The following RTKN2 variants were observed in gnomAD, a reference collection of about 807,000 sequenced individuals.
The protein encoded by RTKN2 is rhotekin-2.
A neutral mutation model predicts 71.5 loss-of-function variants in RTKN2; 69 were observed. The observed-to-expected ratio is 0.96, with a 90% CI of 0.79 to 1.18. The LOEUF is 1.18. Among genes scored for constraint, RTKN2 ranks in the 50% most tolerant of loss-of-function variants. The pLI, the probability that RTKN2 is intolerant of heterozygous loss-of-function variation, is 0.00. For synonymous variants in RTKN2, 236 were observed against 236.5 expected (o/e 1.00, Z 0.02); for missense variants, 724 against 719.7 (o/e 1.01, Z -0.07).
chr10:62,202,474 A>G (rs1413182180), intron 10 of RTKN2, among the ~76,000 whole-genome samples: 1 of 152,242 alleles, frequency 6.6e-6, no homozygotes, highest in African/African-American at 2.4e-5. Context: ...AAAATTTTAA[A>G]GTACAAGTCA....
At chr10:62,233,573 A>AT (rs1490210935) in intron 6 of RTKN2, among the ~76,000 whole-genome samples, 2 of 152,178 alleles carry the variant, frequency 1.3e-5, no homozygotes, top group Non-Finnish European at 2.9e-5. Flanking sequence ...TACAAACAGC[A>AT]TTAAAAAAAA....
chr10:62,201,923 T>G (rs1841450948), intron 10 of RTKN2, among the ~76,000 whole-genome samples: 1 of 152,212 alleles, frequency 6.6e-6, no homozygotes, highest in African/African-American at 2.4e-5. Context: ...TAAATGGGTA[T>G]GTTTTGTTCA....
At chr10:62,202,165 A>G (rs557893666) in intron 10 of RTKN2, among the ~76,000 whole-genome samples, 38 of 152,212 alleles carry the variant, frequency 2.5e-4, no homozygotes, top group African/African-American at 9.1e-4. Flanking sequence ...CCTCTTTTAC[A>G]TGACTGTTAA....
At chr10:62,241,477 T>C (rs1429597754) in intron 3 of RTKN2, among the ~76,000 whole-genome samples, 1 of 152,254 alleles carries the variant, frequency 6.6e-6, no homozygotes, top group Non-Finnish European at 1.5e-5. Context: ...GACATCTTTA[T>C]CATATATGCC....
chr10:62,264,758 G>C (rs1842838696), intron 1 of RTKN2, among the ~76,000 whole-genome samples: 1 of 152,162 alleles, frequency 6.6e-6, no homozygotes, highest in African/African-American at 2.4e-5. Context: ...CTGAGGCAGA[G>C]AGGAAGGGCC....
At chr10:62,258,330 T>A (rs1379249204) in intron 2 of RTKN2, among the ~76,000 whole-genome samples, 1 of 152,232 alleles carries the variant, frequency 6.6e-6, no homozygotes, top group East Asian at 1.9e-4. Flanking sequence ...ATTTGACTTC[T>A]TAAATAATTT....
At chr10:62,201,094 AGAGT>A (rs1173258228) in intron 10 of RTKN2, among the ~76,000 whole-genome samples, 1 of 152,140 alleles carries the variant, frequency 6.6e-6, no homozygotes, top group East Asian at 1.9e-4. Context: ...TAATTTTATA[AGAGT>A]TAGTTACTGA....
Position 62,195,197 on chromosome 10 carries a change from T to A in RTKN2, c.*2711A>T, listed in dbSNP as rs1322193863. 1.0e-6 allele frequency: 1 copy of A among 977,596 alleles called. No homozygotes were observed. Among genetic ancestry groups the A allele is most frequent in the African/African-American group, 1.8e-5 (1 of 57,056 alleles). 60.6% of individuals were successfully genotyped at this position (977,596 alleles called of 1,614,324 possible). On this transcript the variant is annotated 3_prime_UTR_variant, in exon 12 of 12. Transcript: ENST00000373789. ...TTAGATCATCAGAATTATCATATCA[T>A]AAAATATCTATTCTGTTTCCCCAAT... is the stretch of plus-strand genomic sequence containing the variant.
chr10:62,231,048 G>A (rs958805026), intron 6 of RTKN2, among the ~76,000 whole-genome samples: 1 of 151,860 alleles, frequency 6.6e-6, no homozygotes, highest in African/African-American at 2.4e-5. Context: ...TAACAGTCTC[G>A]TTCCTCAAAA....
intron 2 of RTKN2, among the ~76,000 whole-genome samples, chr10:62,251,254 G>T (rs921984660): frequency 1.2e-4 from 18 of 152,136 alleles, no homozygotes; most frequent in Non-Finnish European, 2.4e-4. Flanking sequence ...CATTTGCATA[G>T]CTTTTATTAC....
intron 2 of RTKN2, among the ~76,000 whole-genome samples, chr10:62,258,690 C>A (rs1165012115): frequency 6.6e-6 from 1 of 151,616 alleles, no homozygotes; most frequent in Non-Finnish European, 1.5e-5. Context: ...TTCCAGAATT[C>A]AATAATTAAG....
At chr10:62,219,347 A>G (rs1031948752) in intron 7 of RTKN2, among the ~76,000 whole-genome samples, 4 of 152,210 alleles carry the variant, frequency 2.6e-5, no homozygotes, top group Non-Finnish European at 5.9e-5. Context: ...GACATCGAAC[A>G]TTAGAGCCCA....
In RTKN2 at chr10:62,195,789, G is replaced by A. The variant is rs1372428192; in HGVS notation, c.*2119C>T. 1 of 985,348 alleles carries A rather than the reference G, an allele frequency of 1.0e-6. No individual in the cohort carries two copies. Among genetic ancestry groups the A allele is most frequent in the Non-Finnish European group, 1.2e-6 (1 of 830,020 alleles). 61.0% of individuals were successfully genotyped at this position (985,348 alleles called of 1,614,324 possible). A position where few individuals can be genotyped will look rare whatever the true frequency, so the allele number is the denominator to read the frequency against. On this transcript the variant is annotated 3_prime_UTR_variant, in exon 12 of 12. Transcript: ENST00000373789. ...AACATACAGTAAGCTGGGCCCCCCA[G>A]AAAGAGACCGAATAATTTGGTGGGG...
intron 6 of RTKN2, among the ~76,000 whole-genome samples, chr10:62,232,889 T>C (rs1008150163): frequency 6.6e-6 from 1 of 151,338 alleles, no homozygotes; most frequent in Non-Finnish European, 1.5e-5. Context: ...GATATTATTA[T>C]GTATTATTAT....
At chr10:62,188,131 T>G (rs981632522), downstream of RTKN2, among the ~76,000 whole-genome samples, 7 of 152,340 alleles carry the variant, frequency 4.6e-5, no homozygotes, top group East Asian at 1.2e-3. Context: ...TTTCCTATTA[T>G]CAGTTACTAC....
chr10:62,184,842 A>G (rs1389823924), intron 8 of RTKN2, among the ~76,000 whole-genome samples: 1 of 152,248 alleles, frequency 6.6e-6, no homozygotes, highest in African/African-American at 2.4e-5. Flanking sequence ...AGAACTAAGT[A>G]AAGAAAAAAA....
intron 9 of RTKN2, chr10:62,215,020 T>C: frequency 7.4e-7 from 1 of 1,359,962 alleles, no homozygotes; most frequent in Non-Finnish European, 1.0e-6. Context: ...TCATCCCTGC[T>C]TTGCCTACCT....
chr10:62,199,700 T>C (rs1564498561), intron 11 of RTKN2, 54 bp downstream of exon 11: 7 of 1,047,508 alleles, frequency 6.7e-6, no homozygotes, highest in East Asian at 2.4e-5. Context: ...TGCTTCAGTA[T>C]GGACAATGTT....
chr10:62,209,434 G>A (rs2132847682), intron 9 of RTKN2, among the ~76,000 whole-genome samples: 1 of 151,942 alleles, frequency 6.6e-6, no homozygotes, highest in East Asian at 1.9e-4. Context: ...GTGTGAGTGA[G>A]CATAAGCCAA....
Sources: gnomAD v4.1 joint callset for allele counts (sites outside exome capture counted in the v4.1 genomes callset) on GRCh38, gnomAD v4.1.1 for gene constraint, MANE v1.5 for transcripts, NCBI Gene and HGNC (gene_info 2026-07-23, HGNC 2026-07-21) for gene names.